Variants in CNTNAP2 observed in about 807,000 individuals in gnomAD.
CNTNAP2 encodes contactin associated protein 2.
In CNTNAP2, 98 loss-of-function variants were observed where a neutral mutation model predicts 155.2. The observed-to-expected ratio is 0.63, with a 90% confidence interval of 0.54 to 0.75. The LOEUF is 0.75. Ranked by LOEUF, CNTNAP2 falls within the 30% of genes least tolerant of loss-of-function variation. CNTNAP2 has a pLI of 0.00. For missense variants in CNTNAP2, 1,727 were observed against 1,688.1 expected, an observed-to-expected ratio of 1.02 and a Z score of -0.40; for synonymous variants, 651 against 631.2, an observed-to-expected ratio of 1.03 and a Z score of -0.47.
chr7:147,648,746 G>A (rs557291541), intron 13 of CNTNAP2, among the ~76,000 whole-genome samples: 11 of 152,090 alleles, frequency 7.2e-5, no homozygotes, highest in Admixed American at 2.6e-4. Context: ...CCCACAACAC[G>A]TGGGAATTGT....
intron 15 of CNTNAP2, among the ~76,000 whole-genome samples, chr7:148,080,410 C>A (rs764928961): frequency 5.3e-5 from 8 of 151,886 alleles, no homozygotes; most frequent in Non-Finnish European, 1.2e-4. Flanking sequence ...TCGAGACCGT[C>A]CTGGCTAACA....
intron 9 of CNTNAP2, among the ~76,000 whole-genome samples, chr7:147,331,417 C>T (rs1343641879): frequency 6.6e-6 from 1 of 152,028 alleles, no homozygotes; most frequent in Non-Finnish European, 1.5e-5. Flanking sequence ...TATGTAAACA[C>T]CTTGTATATA....
chr7:147,248,029 TACCATTC>T (rs1384712247), intron 8 of CNTNAP2, among the ~76,000 whole-genome samples: 1 of 152,210 alleles, frequency 6.6e-6, no homozygotes, highest in African/African-American at 2.4e-5. Flanking sequence ...ACCATTACTT[TACCATTC>T]TTGTGTGGAA....
intron 8 of CNTNAP2, among the ~76,000 whole-genome samples, chr7:147,217,419 TTTTAAA>T (rs1480131759): frequency 6.6e-6 from 1 of 152,052 alleles, no homozygotes; most frequent in Non-Finnish European, 1.5e-5. Context: ...TTATGTGATT[TTTTAAA>T]TTTAGTTTGT....
chr7:146,262,633 AATAGATTTCTTG>A (rs1351863649), intron 1 of CNTNAP2, among the ~76,000 whole-genome samples: 1 of 152,178 alleles, frequency 6.6e-6, no homozygotes, highest in Non-Finnish European at 1.5e-5. Context: ...CCAAATAACA[AATAGATTTCTTG>A]ATGGCAGCTA....
At chr7:148,180,366 T>A (rs76623118) in intron 18 of CNTNAP2, among the ~76,000 whole-genome samples, 1 of 152,138 alleles carries the variant, frequency 6.6e-6, no homozygotes, top group Non-Finnish European at 1.5e-5. Flanking sequence ...TCTCTCTTAA[T>A]GTATTTCTTA....
intron 3 of CNTNAP2, among the ~76,000 whole-genome samples, chr7:146,904,909 T>G (rs1170451235): frequency 6.6e-6 from 1 of 152,142 alleles, no homozygotes; most frequent in Non-Finnish European, 1.5e-5. Context: ...AAGAGTAACA[T>G]CTCAAGCTCA....
rs141771261 is a variant in CNTNAP2, at chr7:147,369,841, G to A, written c.1499-25768G>A. ...GGCTTTAATTCTGCTCTACAATCTC[G>A]CCTTTGTATTTACCTGCATAAATAA... On this transcript the variant is annotated intron_variant, in intron 9 of 23. Transcript: ENST00000361727. Among the ~76,000 whole-genome samples, 52 of 152,160 alleles carry A rather than the reference G, an allele frequency of 3.4e-4. No homozygotes were observed. The East Asian group carries it at 9.3e-3, about 27-fold the overall frequency.
At chr7:146,893,531 C>G (rs1795820836) in intron 3 of CNTNAP2, among the ~76,000 whole-genome samples, 1 of 151,568 alleles carries the variant, frequency 6.6e-6, no homozygotes, top group Non-Finnish European at 1.5e-5. Context: ...GAGGGAAATG[C>G]ATTTTCTCTC....
intron 1 of CNTNAP2, among the ~76,000 whole-genome samples, chr7:146,541,830 AC>A (rs1797957609): frequency 6.6e-6 from 1 of 151,134 alleles, no homozygotes; most frequent in Non-Finnish European, 1.5e-5. Flanking sequence ...TCACCAGAAA[AC>A]CTCTCATTTG....
intron 15 of CNTNAP2, among the ~76,000 whole-genome samples, chr7:148,104,838 A>C (rs1032515869): frequency 6.6e-6 from 1 of 152,198 alleles, no homozygotes; most frequent in Non-Finnish European, 1.5e-5. Flanking sequence ...ATAATGCCAA[A>C]CCTAGAAAAG....
chr7:147,407,853 C>T (rs1032778252), intron 10 of CNTNAP2, among the ~76,000 whole-genome samples: 1 of 152,126 alleles, frequency 6.6e-6, no homozygotes, highest in African/African-American at 2.4e-5. Context: ...GCATTAGCCT[C>T]GGATGATGAG....
At chr7:147,762,972 G>C (rs1161319745) in intron 13 of CNTNAP2, among the ~76,000 whole-genome samples, 1 of 152,048 alleles carries the variant, frequency 6.6e-6, no homozygotes, top group Non-Finnish European at 1.5e-5. Flanking sequence ...CAAGAGTAAA[G>C]ATCCGGCTGG....
chr7:146,613,578 T>C (rs1799175538), intron 1 of CNTNAP2, among the ~76,000 whole-genome samples: 1 of 145,176 alleles, frequency 6.9e-6, no homozygotes, highest in African/African-American at 2.9e-5. Flanking sequence ...ATAAAATTAA[T>C]TTATTTTATT....
chr7:148,398,995 A>T lies in CNTNAP2; in HGVS notation c.3716-10396A>T, dbSNP rs181898483. 5.4e-3 allele frequency among the ~76,000 whole-genome samples: 826 copies of T among 152,306 alleles called. 7 individuals are homozygous for T. Among genetic ancestry groups the T allele is most frequent in the African/African-American group, 0.018 (759 of 41,564 alleles). ...CCTAGAAACTGGGGCTATTTCTATG[A>T]CTCAGCAAACAACCAATTCTTGCTA... On this transcript the variant is annotated intron_variant, in intron 22 of 23. Coordinates refer to ENST00000361727, the MANE Select transcript of CNTNAP2 (RefSeq NM_014141.6).
At chr7:148,058,738 A>C (rs1803070878) in intron 15 of CNTNAP2, among the ~76,000 whole-genome samples, 1 of 152,150 alleles carries the variant, frequency 6.6e-6, no homozygotes, top group Admixed American at 6.5e-5. Flanking sequence ...AGGAAGAAGG[A>C]GTACATGACC....
intron 3 of CNTNAP2, among the ~76,000 whole-genome samples, chr7:146,881,107 G>A (rs1795541134): frequency 6.6e-6 from 1 of 152,068 alleles, no homozygotes. Context: ...AGAATTTTGA[G>A]CCAAGTCTGC....
chr7:147,650,453 C>T (rs752951674), intron 13 of CNTNAP2, among the ~76,000 whole-genome samples: 2 of 152,056 alleles, frequency 1.3e-5, no homozygotes, highest in Non-Finnish European at 2.9e-5. Flanking sequence ...ACAGCAAGAC[C>T]AACCCCTCCT....
At chr7:147,135,233 C>T (rs1203239908) in intron 8 of CNTNAP2, among the ~76,000 whole-genome samples, 1 of 151,762 alleles carries the variant, frequency 6.6e-6, no homozygotes, top group Admixed American at 6.6e-5. Flanking sequence ...TAGTAATCAA[C>T]AGTAGACTTG....
Sources: allele counts gnomAD v4.1 joint callset (sites outside exome capture counted in the v4.1 genomes callset), GRCh38; gene constraint gnomAD v4.1.1; transcripts MANE v1.5; gene names NCBI Gene and HGNC (gene_info 2026-07-23, HGNC 2026-07-21).